Variants in SRCIN1 observed in about 807,000 individuals in gnomAD.
The protein encoded by SRCIN1 is P130Cas-associated protein.
SRCIN1 carries 50 observed loss-of-function variants against 116.2 expected under a neutral mutation model. That is an observed-to-expected ratio of 0.43 (90% CI 0.34 to 0.54). The LOEUF is 0.54. Among genes scored for constraint, SRCIN1 ranks in the 20% least tolerant of loss-of-function variants. The probability of loss-of-function intolerance (pLI) is 0.02; values close to 1 mark genes in which losing one functional copy is unlikely to be tolerated. For synonymous variants in SRCIN1, 736 were observed against 750.0 expected (o/e 0.98, Z 0.30); for missense variants, 1,446 against 1,672.0 (o/e 0.86, Z 2.36).
In SRCIN1 at chr17:38,561,862, G is replaced by A; in HGVS notation, c.1301C>T (p.Ser434Leu). 1.4e-6 allele frequency: 2 copies of A among 1,460,690 alleles called. No individual in the cohort carries two copies. Among genetic ancestry groups the A allele is most frequent in the Admixed American group, 2.8e-5 (1 of 35,898 alleles). The allele number at this position is 1,460,690 out of a possible 1,614,324, so 90.5% of individuals were successfully genotyped here. Reference protein sequence around the residue: ...GGLYKRGSVRSLSTYSAAALQ... With the variant: ...GGLYKRGSVRLLSTYSAAALQ... ...CGCGGCGGCCGAGTAGGTGCTGAGC[G>A]AGCGCACCGAGCCGCGCTTGTAGAG... Residue 434 changes from serine to leucine, a missense_variant, in exon 7 of 19, where the codon TCG becomes TTG. Ser to Leu is a moderately radical substitution (Grantham distance 145, BLOSUM62 -2). Transcript: ENST00000617146.
intron 1 of SRCIN1, among the ~76,000 whole-genome samples, chr17:38,584,542 C>T (rs1050700300): frequency 6.6e-6 from 1 of 152,190 alleles, no homozygotes; most frequent in African/African-American, 2.4e-5. Context: ...CCCCAGTGGC[C>T]GGCTAGGAGG....
At position 38,562,215 on chromosome 17, in the gene SRCIN1, CA is replaced by C; in HGVS notation, c.947del (p.Leu316ArgfsTer59). On this transcript the variant is annotated frameshift_variant, in exon 7 of 19. Transcript: ENST00000617146. LOFTEE classifies it high-confidence loss of function. The surrounding 1 kb of genome is among the most constrained non-coding windows in gnomAD (Gnocchi z 4.2). The stretch of plus-strand genomic sequence containing the variant: ...GCGAACCGGACTGCAGCCCGGACGG[CA>C]GCCCCGACGGCAGCCCGGGCGGCGG... ...GSPPPGLPSGLPSGLQSGSPS... is the reference protein window; with the variant it reads ...GSPPPGLPSGXPSGLQSGSPS... 7.0e-7 allele frequency: 1 copy of C among 1,434,018 alleles called. No homozygotes were observed. The highest frequency in any genetic ancestry group is 9.1e-7 in the Non-Finnish European group (1 of 1,103,764). The allele number at this position is 1,434,018 out of a possible 1,614,324, so 88.8% of individuals were successfully genotyped here. A position where few individuals can be genotyped will look rare whatever the true frequency, so the allele number is the denominator to read the frequency against.
intron 17 of SRCIN1, chr17:38,546,595 T>C (rs1328850249): frequency 6.6e-6 from 1 of 152,346 alleles, no homozygotes; most frequent in East Asian, 1.9e-4. Context: ...CCCCTCAGGA[T>C]GGGCTCCCAG....
intron 2 of SRCIN1, among the ~76,000 whole-genome samples, chr17:38,569,851 G>A (rs1303365970): frequency 6.6e-6 from 1 of 152,156 alleles, no homozygotes; most frequent in Admixed American, 6.5e-5. Flanking sequence ...GGCTCCAGCG[G>A]CAGCTGACTG....
chr17:38,561,751 G>A lies in SRCIN1; in HGVS notation c.1412C>T (p.Pro471Leu), dbSNP rs1046503087. 4 of 1,513,946 alleles carry A rather than the reference G, an allele frequency of 2.6e-6. No homozygotes were observed. Among genetic ancestry groups the A allele is most frequent in the Admixed American group, 2.1e-5 (1 of 48,646 alleles). The allele number at this position is 1,513,946 out of a possible 1,614,324, so 93.8% of individuals were successfully genotyped here. Residue 471 changes from proline to leucine, a missense_variant, in exon 7 of 19, where the codon CCG becomes CTG. This residue lies in a region of SRCIN1 where 398 missense variants were observed against 385.6 expected (regional missense o/e 1.03). Transcript: ENST00000617146. ...GGCCAGCTTCTGCGGTGACGAAGGCGGCAGGCGGAAGCCGTAGCCGTCGCC... is the reference window on the plus strand; with the variant it reads ...GGCCAGCTTCTGCGGTGACGAAGGCAGCAGGCGGAAGCCGTAGCCGTCGCC... ...LYGDGYGFRL[P>L]PSSPQKLADV...
chr17:38,592,833 G>A (rs544046855), intron 1 of SRCIN1, among the ~76,000 whole-genome samples: 2 of 151,598 alleles, frequency 1.3e-5, no homozygotes, highest in African/African-American at 4.9e-5. Flanking sequence ...TGTTGGGGGG[G>A]TTGGGGGGCT....
rs1906252169 is a variant in SRCIN1 at position 38,561,643 on chromosome 17, T to C, written c.1520A>G (p.Gln507Arg). Reference sequence around the variant, plus strand: ...GGAGCCCGAGTCCTTGCGGAAGGACTGGCGCACTGGCGAGCCGCGGCTGGG... The same window carrying C: ...GGAGCCCGAGTCCTTGCGGAAGGACCGGCGCACTGGCGAGCCGCGGCTGGG... ...GPPSRGSPVRQSFRKDSGSSS... is the reference protein window; with the variant it reads ...GPPSRGSPVRRSFRKDSGSSS... Residue 507 changes from glutamine to arginine, a missense_variant, in exon 7 of 19, where the codon CAG becomes CGG. Around this residue, in one of 5 missense-constraint regions of SRCIN1, gnomAD observed 398 missense variants for 385.6 expected, o/e 1.03. Transcript: ENST00000617146. 1.3e-6 allele frequency: 2 copies of C among 1,568,202 alleles called. No homozygotes were observed. The highest frequency in any genetic ancestry group is 1.4e-5 in the African/African-American group (1 of 72,098).
intron 14 of SRCIN1, chr17:38,551,599 G>C: frequency 1.6e-6 from 1 of 643,756 alleles, no homozygotes; most frequent in Non-Finnish European, 2.7e-6. Flanking sequence ...TACTACATTC[G>C]TGATAAACTT....
chr17:38,531,390 CTTTT>C lies in SRCIN1; in HGVS notation c.*1903_*1906del, dbSNP rs1208663999. ...TGGCCAGGGAGAGTGCCGTGGTTTT[CTTTT>C]TTTTTTCTTTTTTAAATATTTATAT... On this transcript the variant is annotated 3_prime_UTR_variant, in exon 19 of 19. Transcript: ENST00000617146. 4.4e-5 allele frequency: 6 copies of C among 136,928 alleles called. No homozygotes were observed. Among genetic ancestry groups the C allele is most frequent in the African/African-American group, 1.3e-4 (5 of 38,136 alleles). 8.5% of individuals were successfully genotyped at this position (136,928 alleles called of 1,614,324 possible).
Position 38,552,900 on chromosome 17 carries a change from C to T in SRCIN1, c.2202-45G>A. On this transcript the variant is annotated intron_variant, in intron 11 of 18. Coordinates refer to ENST00000617146, the MANE Select transcript of SRCIN1 (RefSeq NM_025248.3). The surrounding 1 kb of genome is among the most constrained non-coding windows in gnomAD (Gnocchi z 5.3). The stretch of plus-strand genomic sequence containing the variant: ...CTTTCAGCCCTTTTGGCCTGAGATG[C>T]CAGCCCAGCCCCCTGAAATTGGGCA... 6.4e-7 allele frequency: 1 copy of T among 1,566,950 alleles called. No homozygotes were observed. Among genetic ancestry groups the T allele is most frequent in the Non-Finnish European group, 8.6e-7 (1 of 1,156,246 alleles).
At chr17:38,598,390 G>A (rs1908835837) in intron 1 of SRCIN1, among the ~76,000 whole-genome samples, 1 of 152,164 alleles carries the variant, frequency 6.6e-6, no homozygotes, top group African/African-American at 2.4e-5. Flanking sequence ...TGCTGCGTAT[G>A]CAATTATCAT....
chr17:38,554,513 G>A (rs1472663585), intron 11 of SRCIN1, among the ~76,000 whole-genome samples: 1 of 152,090 alleles, frequency 6.6e-6, no homozygotes, highest in Non-Finnish European at 1.5e-5. Context: ...AGGTCTCAGT[G>A]GGAAGCTGTC....
intron 16 of SRCIN1, 67 bp downstream of exon 16, chr17:38,548,989 C>T: frequency 1.3e-6 from 2 of 1,566,410 alleles, no homozygotes; most frequent in African/African-American, 1.4e-5. Flanking sequence ...CAGAGGGCCT[C>T]CAGAAGTCAT....
intron 1 of SRCIN1, among the ~76,000 whole-genome samples, chr17:38,603,235 G>A (rs993103115): frequency 2.0e-5 from 3 of 152,108 alleles, no homozygotes; most frequent in African/African-American, 7.2e-5. Context: ...AAGAGAGAGA[G>A]AGAGCGCGAG....
chr17:38,543,964 G>A lies in SRCIN1; in HGVS notation c.3276C>T (p.Gly1092=), dbSNP rs370952050. Residue 1092 remains glycine (G), a synonymous_variant, in exon 18 of 19, where the codon GGC becomes GGT. Coordinates refer to ENST00000617146, the MANE Select transcript of SRCIN1 (RefSeq NM_025248.3). Reference sequence around the variant, plus strand: ...CCTTCATGGGTGGTACACTGCCTCCGCCACTCTGCAGGAAGAGGAACAGGG... The same window carrying A: ...CCTTCATGGGTGGTACACTGCCTCCACCACTCTGCAGGAAGAGGAACAGGG... The part of the protein sequence containing the change: ...EDRIIAELES[G]GGSVPPMKVV... The A allele has an allele frequency of 8.6e-5, 136 of 1,582,954 alleles. No homozygotes were observed. Among genetic ancestry groups the A allele is most frequent in the Admixed American group, 1.4e-4 (8 of 56,780 alleles).
At chr17:38,575,866 C>T (rs1387215644) in intron 2 of SRCIN1, among the ~76,000 whole-genome samples, 3 of 152,302 alleles carry the variant, frequency 2.0e-5, no homozygotes, top group African/African-American at 7.2e-5. Context: ...ATTCATTCCT[C>T]CCTCATTCTC....
At chr17:38,554,336 G>C (rs1340840612) in intron 11 of SRCIN1, among the ~76,000 whole-genome samples, 2 of 152,198 alleles carry the variant, frequency 1.3e-5, no homozygotes, top group African/African-American at 4.8e-5. Context: ...CCGTGCTGCT[G>C]TAACCCTCAT....
rs1304499137 is a variant in SRCIN1 at position 38,548,574 on chromosome 17, T to G, written c.3253A>C (p.Ile1085Leu). The part of the protein sequence containing the change: ...AIKDEDDEDR[I>L]IAELESGGGS... ...TGACCTACCTCTAGCTCTGCGATGATGCGATCCTCGTCATCCTCGTCCTTG... is the reference window on the plus strand; with the variant it reads ...TGACCTACCTCTAGCTCTGCGATGAGGCGATCCTCGTCATCCTCGTCCTTG... The change falls in exon 17 of 19, where the codon ATC becomes CTC. Residue 1085 changes from isoleucine (I) to leucine (L), a missense_variant. This residue lies in a region of SRCIN1 where 531 missense variants were observed against 633.9 expected (regional missense o/e 0.84). Coordinates refer to ENST00000617146, the MANE Select transcript of SRCIN1 (RefSeq NM_025248.3). The G allele has an allele frequency of 6.2e-7, 1 of 1,612,008 alleles. No individual in the cohort carries two copies. The highest frequency in any genetic ancestry group is 8.5e-7 in the Non-Finnish European group (1 of 1,179,794).
Position 38,562,222 on chromosome 17 carries a change from G to C in SRCIN1, c.941C>G (p.Ser314Trp), listed in dbSNP as rs1906316382. The change falls in exon 7 of 19, where the codon TCG (serine) becomes TGG (tryptophan). Residue 314 changes from serine (S) to tryptophan (W), a missense_variant. Physicochemically the swap from Ser to Trp is radical, Grantham distance 177. Around this residue, in one of 5 missense-constraint regions of SRCIN1, gnomAD observed 239 missense variants for 317.7 expected, o/e 0.75. Coordinates refer to ENST00000617146, the MANE Select transcript of SRCIN1 (RefSeq NM_025248.3). This position sits in a 1 kb window ranked among gnomAD's most constrained non-coding sequence, Gnocchi z 4.2. ...GGACTGCAGCCCGGACGGCAGCCCC[G>C]ACGGCAGCCCGGGCGGCGGCGAGCC... ...ASGSPPPGLP[S>W]GLPSGLQSGS... The C allele has an allele frequency of 6.9e-7, 1 of 1,442,142 alleles. No individual in the cohort carries two copies. The highest frequency in any genetic ancestry group is 1.4e-5 in the South Asian group (1 of 71,418). 89.3% of individuals were successfully genotyped at this position (1,442,142 alleles called of 1,614,324 possible).
Sources: gnomAD v4.1 joint callset for allele counts (sites outside exome capture counted in the v4.1 genomes callset) on GRCh38, gnomAD v4.1.1 for gene constraint, gnomAD v4.1.1 regional missense constraint, Gnocchi (gnomAD v3.1) non-coding constraint, MANE v1.5 for transcripts, NCBI Gene and HGNC (gene_info 2026-07-23, HGNC 2026-07-21) for gene names.